Variants in CSE1L observed in about 807,000 individuals in gnomAD.
CSE1L encodes exportin-2.
Under a neutral mutation model 120.4 loss-of-function variants are expected in CSE1L, and 24 were observed. The ratio of observed to expected loss-of-function variants is 0.20; its 90% confidence interval spans 0.14 to 0.28. The LOEUF (loss-of-function observed/expected upper bound fraction) is 0.28, where lower values mean the gene tolerates loss of function less well. Among genes scored for constraint, CSE1L ranks in the 10% least tolerant of loss-of-function variants. The probability of loss-of-function intolerance (pLI) is 1.00; values close to 1 mark genes in which losing one functional copy is unlikely to be tolerated. For missense variants in CSE1L, 830 were observed against 1,145.2 expected (o/e 0.72, Z 3.97); for synonymous variants, 402 against 398.3 (o/e 1.01, Z -0.11).
intron 3 of CSE1L, among the ~76,000 whole-genome samples, 167 bp from the exon 4 acceptor site, chr20:49,066,025 G>T (rs1389076175): frequency 1.3e-5 from 2 of 152,170 alleles, no homozygotes; most frequent in Admixed American, 1.3e-4. Context: ...ATTATTGAAG[G>T]AATCTGTGAC....
intron 24 of CSE1L, chr20:49,095,216 T>G: frequency 1.7e-6 from 1 of 603,870 alleles, no homozygotes; most frequent in Non-Finnish European, 3.0e-6. Context: ...AATAGAAATG[T>G]AATAAGGCTG....
intron 15 of CSE1L, 136 bp downstream of exon 15, chr20:49,084,298 T>C: frequency 1.1e-6 from 1 of 903,840 alleles, no homozygotes; most frequent in African/African-American, 1.7e-5. Context: ...CTCTGTTTCA[T>C]TCTAAAAGCA....
In CSE1L at chr20:49,083,170, G is replaced by A. The variant is rs1036711815; in HGVS notation, c.1483-856G>A. Among the ~76,000 whole-genome samples the A allele has an allele frequency of 5.3e-5, 8 of 151,800 alleles. No homozygotes were observed. The East Asian group carries it at 5.8e-4, about 11-fold the overall frequency. ...CTCCCGAGTAGCTGGGACTACAGGC[G>A]CATGCCACCACGTCTGGCTAATTTT... On this transcript the variant is annotated intron_variant, in intron 14 of 24. Transcript: ENST00000262982.
chr20:49,096,661 C>T lies in CSE1L; in HGVS notation c.*223C>T, dbSNP rs1309449105. The T allele has an allele frequency of 3.6e-5, 21 of 579,222 alleles. No homozygotes were observed. The East Asian group carries it at 6.1e-4, about 17-fold the overall frequency. The allele number at this position is 579,222 out of a possible 1,614,324, so 35.9% of individuals were successfully genotyped here. A position where few individuals can be genotyped will look rare whatever the true frequency, so the allele number is the denominator to read the frequency against. The stretch of plus-strand genomic sequence containing the variant: ...GCTTCTAGTTTGCAACTTCAAGGGA[C>T]AAGTATTAATAGTTCAGTGTATGGC... On this transcript the variant is annotated 3_prime_UTR_variant, in exon 25 of 25. Transcript: ENST00000262982.
chr20:49,048,146 CTTTT>C (rs34878925), intron 1 of CSE1L, among the ~76,000 whole-genome samples: 1 of 128,734 alleles, frequency 7.8e-6, no homozygotes, highest in Non-Finnish European at 1.6e-5. Flanking sequence ...GTGTCTCTCT[CTTTT>C]TTTTTTTTTT....
At position 49,073,210 on chromosome 20, in the gene CSE1L, A is replaced by G. The variant is rs915560281; in HGVS notation, c.1066+513A>G. On this transcript the variant is annotated intron_variant, in intron 10 of 24. Transcript: ENST00000262982. Reference sequence around the variant, plus strand: ...GTATTTTTGGTAGAGACAGGGTTTCACCATGTTGTTCAGGGTAGTCTCAAA... The same window carrying G: ...GTATTTTTGGTAGAGACAGGGTTTCGCCATGTTGTTCAGGGTAGTCTCAAA... Among the ~76,000 whole-genome samples, 7 of 152,086 alleles carry G rather than the reference A, an allele frequency of 4.6e-5. No individual in the cohort carries two copies. In the South Asian group the frequency reaches 1.5e-3, roughly 32 times the overall value.
Position 49,052,547 on chromosome 20 carries a change from C to G in CSE1L, c.-11-5906C>G, listed in dbSNP as rs191462955. Among the ~76,000 whole-genome samples the G allele has an allele frequency of 5.3e-5, 8 of 152,168 alleles. No individual in the cohort carries two copies. In the East Asian group the frequency reaches 1.5e-3, roughly 29 times the overall value. ...TTTTGTGCCTGGAATGTAGCAAGAG[C>G]CAGGAGGAGGTAGGAGATGAGGTCA... On this transcript the variant is annotated intron_variant, in intron 1 of 24. Transcript: ENST00000262982.
At chr20:49,071,907 G>T (rs1379947549) in intron 8 of CSE1L, among the ~76,000 whole-genome samples, 1 of 148,362 alleles carries the variant, frequency 6.7e-6, no homozygotes, top group African/African-American at 2.5e-5. Flanking sequence ...GGCGGAGCTT[G>T]CAGTGAGCTG....
chr20:49,046,794 C>T (rs956971951), intron 1 of CSE1L, among the ~76,000 whole-genome samples: 2 of 152,252 alleles, frequency 1.3e-5, no homozygotes, highest in African/African-American at 4.8e-5. Context: ...CCTTATTGGT[C>T]GCGCTCGCAT....
At chr20:49,092,571 A>G (rs1339360430) in intron 22 of CSE1L, among the ~76,000 whole-genome samples, 1 of 150,996 alleles carries the variant, frequency 6.6e-6, no homozygotes, top group Non-Finnish European at 1.5e-5. Flanking sequence ...AAAACACCAC[A>G]TGTTCTCACT....
intron 14 of CSE1L, among the ~76,000 whole-genome samples, chr20:49,081,709 T>C (rs1350011160): frequency 1.3e-5 from 2 of 152,182 alleles, no homozygotes; most frequent in Admixed American, 6.6e-5. Context: ...GAACGTGTAG[T>C]TTTTCTTCTG....
intron 19 of CSE1L, among the ~76,000 whole-genome samples, chr20:49,090,283 C>T (rs1251591447): frequency 2.6e-5 from 4 of 152,042 alleles, no homozygotes; most frequent in Admixed American, 1.3e-4. Context: ...TTTGGTCGGG[C>T]GTGGTGGCTC....
At chr20:49,076,920 A>G (rs1388140392) in intron 12 of CSE1L, 60 bp from the exon 13 acceptor site, 10 of 1,056,430 alleles carry the variant, frequency 9.5e-6, no homozygotes, top group Non-Finnish European at 1.2e-5. Flanking sequence ...CTGAATTTCT[A>G]ATGTGATAGA....
In CSE1L at chr20:49,094,176, T is replaced by G; in HGVS notation, c.2484T>G (p.Pro828=). 1.9e-6 allele frequency: 3 copies of G among 1,589,172 alleles called. No individual in the cohort carries two copies. The highest frequency in any genetic ancestry group is 2.6e-6 in the Non-Finnish European group (3 of 1,163,226). Residue 828 remains proline (P), a synonymous_variant, in exon 23 of 25, where the codon CCT becomes CCG. Coordinates refer to ENST00000262982, the MANE Select transcript of CSE1L (RefSeq NM_001316.4). ...FGMVLEKIII[P]EIQKVSGNVE... is the part of the protein sequence containing the mutation. ...TGGTTTTGGAAAAAATTATTATTCC[T>G]GAAATTCAGAAGGTATCTGGAAATG...
At chr20:49,090,074 A>G (rs1474861335) in intron 19 of CSE1L, among the ~76,000 whole-genome samples, 1 of 152,138 alleles carries the variant, frequency 6.6e-6, no homozygotes, top group East Asian at 1.9e-4. Context: ...GCAGTGAGCC[A>G]TGATCTCACC....
intron 8 of CSE1L, among the ~76,000 whole-genome samples, chr20:49,071,699 A>G (rs2091932738): frequency 1.3e-5 from 2 of 150,572 alleles, no homozygotes; most frequent in Non-Finnish European, 3.0e-5. Context: ...TAGACTCAAA[A>G]CTCCTGGGCT....
chr20:49,089,543 A>G lies in CSE1L; in HGVS notation c.1978A>G (p.Ile660Val), dbSNP rs1182978882. 3.1e-6 allele frequency: 5 copies of G among 1,614,008 alleles called. No homozygotes were observed. The Admixed American group carries it at 8.3e-5, about 27-fold the overall frequency. Residue 660 changes from isoleucine to valine, a missense_variant, in exon 19 of 25, where the codon ATT becomes GTT. By Grantham distance (29) the Ile-to-Val change is conservative. Transcript: ENST00000262982. ...EILQNDVQEF[I>V]PYVFQVMSLL... is the part of the protein sequence containing the mutation. The stretch of plus-strand genomic sequence containing the variant: ...GTTTTTACTTTTATCAACAGAATTT[A>G]TTCCATACGTCTTTCAAGTGATGTC...
chr20:49,070,196 A>G lies in CSE1L; in HGVS notation c.676-9A>G. On this transcript the variant is annotated splice_polypyrimidine_tract_variant and intron_variant, in intron 7 of 24. Transcript: ENST00000262982. ...AATCAAAAGTTTCAAGTCAGTGTTT[A>G]TTCTGTAGGATCTCCCTGAATTTTT... is the stretch of plus-strand genomic sequence containing the variant. 7.6e-7 allele frequency: 1 copy of G among 1,313,094 alleles called. No homozygotes were observed. Among genetic ancestry groups the G allele is most frequent in the South Asian group, 1.3e-5 (1 of 74,732 alleles). The allele number at this position is 1,313,094 out of a possible 1,614,324, so 81.3% of individuals were successfully genotyped here. A position where few individuals can be genotyped will look rare whatever the true frequency, so the allele number is the denominator to read the frequency against.
At chr20:49,065,396 C>T (rs932643014) in intron 3 of CSE1L, among the ~76,000 whole-genome samples, 4 of 123,196 alleles carry the variant, frequency 3.2e-5, no homozygotes, top group African/African-American at 9.2e-5. Flanking sequence ...GATCTTGGCT[C>T]ATTGCAGCCT....
Sources: allele counts gnomAD v4.1 joint callset (sites outside exome capture counted in the v4.1 genomes callset), GRCh38; gene constraint gnomAD v4.1.1; transcripts MANE v1.5; gene names NCBI Gene and HGNC (gene_info 2026-07-23, HGNC 2026-07-21).